Variants in CNTNAP2 observed in about 807,000 individuals in gnomAD.
The protein encoded by CNTNAP2 is contactin associated protein 2.
In CNTNAP2, 98 loss-of-function variants were observed where a neutral mutation model predicts 155.2. The observed-to-expected ratio is 0.63, with a 90% confidence interval of 0.54 to 0.75. CNTNAP2 has a LOEUF of 0.75. Among genes scored for constraint, CNTNAP2 ranks in the 30% least tolerant of loss-of-function variants. CNTNAP2 has a pLI of 0.00. For synonymous variants in CNTNAP2, 651 were observed against 631.2 expected (o/e 1.03, Z -0.47); for missense variants, 1,727 against 1,688.1 (o/e 1.02, Z -0.40).
chr7:147,530,439 A>T (rs375257496), intron 11 of CNTNAP2, among the ~76,000 whole-genome samples: 4 of 152,102 alleles, frequency 2.6e-5, no homozygotes, highest in African/African-American at 7.2e-5. Context: ...CAGGCTCCCA[A>T]AGTGCTGGGA....
intron 1 of CNTNAP2, among the ~76,000 whole-genome samples, chr7:146,209,136 G>A (rs1401452140): frequency 3.3e-5 from 5 of 152,018 alleles, no homozygotes; most frequent in African/African-American, 1.2e-4. Context: ...TTAAATACCT[G>A]GAAATGAGCC....
intron 1 of CNTNAP2, among the ~76,000 whole-genome samples, chr7:146,633,988 A>G (rs185318039): frequency 1.4e-4 from 21 of 152,248 alleles, no homozygotes; most frequent in Admixed American, 5.9e-4. Flanking sequence ...TTGATCCAGT[A>G]GGAAGAGTAC....
intron 13 of CNTNAP2, among the ~76,000 whole-genome samples, chr7:147,708,727 C>A (rs974618685): frequency 9.9e-5 from 15 of 152,160 alleles, no homozygotes; most frequent in African/African-American, 3.6e-4. Context: ...CCAATGCTAG[C>A]CAAGCAGGCA....
At chr7:147,225,930 GGAAAGAAGGAAGGAAAGGAAGAAAGAGA>G (rs1803529052) in intron 8 of CNTNAP2, among the ~76,000 whole-genome samples, 2 of 124,750 alleles carry the variant, frequency 1.6e-5, no homozygotes, top group Admixed American at 1.6e-4. Flanking sequence ...AAAGAAGGAA[GGAAAGAAGGAAGGAAAGGAAGAAAGAGA>G]GAAAGGAAGA....
chr7:146,827,640 CT>C (rs941576484), intron 2 of CNTNAP2, among the ~76,000 whole-genome samples: 80 of 151,908 alleles, frequency 5.3e-4, no homozygotes, highest in African/African-American at 1.9e-3. Context: ...ATTCTGCAGA[CT>C]TTTACTAAGA....
At position 147,866,750 on chromosome 7, in the gene CNTNAP2, G is replaced by GTT. The variant is rs138084282; in HGVS notation, c.2099-36806_2099-36805dup. Among the ~76,000 whole-genome samples, 1,472 of 147,898 alleles carry GTT rather than the reference G, an allele frequency of 1.0e-2. 15 individuals are homozygous for GTT. Among genetic ancestry groups the GTT allele is most frequent in the Admixed American group, 0.039 (582 of 14,996 alleles). ...ATCAGAGACTAGGATTGCAACCCCT[G>GTT]TTTTTTTTTTGTTTTTTGTTGTTGT... On this transcript the variant is annotated intron_variant, in intron 13 of 23. Transcript: ENST00000361727.
rs1056708859 is a variant in CNTNAP2 at position 148,157,430 on chromosome 7, C to A, written c.2773+9721C>A. Among the ~76,000 whole-genome samples the A allele has an allele frequency of 2.6e-5, 4 of 152,092 alleles. No individual in the cohort carries two copies. In the East Asian group the frequency reaches 5.8e-4, roughly 22 times the overall value. On this transcript the variant is annotated intron_variant, in intron 17 of 23. Coordinates refer to ENST00000361727, the MANE Select transcript of CNTNAP2 (RefSeq NM_014141.6). ...TCCATATTCAAAATTAGATCATCTC[C>A]TTTCCAAAGCAAGAAGGGTTTTTCC...
chr7:146,117,747 G>A (rs1039648530), intron 1 of CNTNAP2, among the ~76,000 whole-genome samples: 4 of 152,014 alleles, frequency 2.6e-5, no homozygotes, highest in African/African-American at 9.7e-5. Context: ...TTTTCATGAG[G>A]TTTAGAAAGA....
intron 15 of CNTNAP2, among the ~76,000 whole-genome samples, chr7:148,112,663 G>T (rs909466562): frequency 6.6e-6 from 1 of 152,024 alleles, no homozygotes; most frequent in Non-Finnish European, 1.5e-5. Flanking sequence ...CCCAGTCACT[G>T]CAATTACAGG....
intron 1 of CNTNAP2, among the ~76,000 whole-genome samples, chr7:146,135,691 G>C (rs1797787437): frequency 6.6e-6 from 1 of 152,066 alleles, no homozygotes; most frequent in African/African-American, 2.4e-5. Flanking sequence ...TAGTAAAACT[G>C]AATCTTAGAA....
intron 8 of CNTNAP2, among the ~76,000 whole-genome samples, chr7:147,224,017 T>C (rs1803466716): frequency 7.2e-6 from 1 of 139,736 alleles, no homozygotes; most frequent in Non-Finnish European, 1.5e-5. Flanking sequence ...TCAAAGAGAG[T>C]TGGGTTGGCC....
chr7:146,909,081 C>T (rs1796214653), intron 3 of CNTNAP2, among the ~76,000 whole-genome samples: 1 of 152,048 alleles, frequency 6.6e-6, no homozygotes, highest in Non-Finnish European at 1.5e-5. Context: ...TCGACACATA[C>T]ACTCTCCCAA....
In CNTNAP2 at chr7:147,874,054, G is replaced by C. The variant is rs576237731; in HGVS notation, c.2099-29511G>C. On this transcript the variant is annotated intron_variant, in intron 13 of 23. Coordinates refer to ENST00000361727, the MANE Select transcript of CNTNAP2 (RefSeq NM_014141.6). ...CACAGCCTTGGGCAGCTCTGCCTCT[G>C]TGGCTTTGCAGGGTATAGACCCCCA... Among the ~76,000 whole-genome samples, 8 of 152,350 alleles carry C rather than the reference G, an allele frequency of 5.3e-5. No individual in the cohort carries two copies. In the East Asian group the frequency reaches 1.5e-3, roughly 29 times the overall value.
intron 12 of CNTNAP2, among the ~76,000 whole-genome samples, chr7:147,601,598 G>A: frequency 7.2e-6 from 1 of 139,106 alleles, no homozygotes; most frequent in African/African-American, 2.7e-5. Context: ...GGCCTGACAA[G>A]TATATTTTAG....
chr7:146,846,957 TTATACTAA>T (rs1295474329), intron 3 of CNTNAP2, among the ~76,000 whole-genome samples: 14 of 152,158 alleles, frequency 9.2e-5, no homozygotes, highest in African/African-American at 3.4e-4. Flanking sequence ...TTGTTATCAA[TTATACTAA>T]TATTTTCAGG....
intron 21 of CNTNAP2, among the ~76,000 whole-genome samples, chr7:148,363,627 G>A (rs908742134): frequency 6.6e-6 from 1 of 152,056 alleles, no homozygotes; most frequent in African/African-American, 2.4e-5. Flanking sequence ...TTTTTCCTTG[G>A]GTTCCTTTTG....
At chr7:147,474,683 G>T (rs1798284270) in intron 10 of CNTNAP2, among the ~76,000 whole-genome samples, 1 of 152,132 alleles carries the variant, frequency 6.6e-6, no homozygotes, top group African/African-American at 2.4e-5. Flanking sequence ...GAGCAGACAA[G>T]AGAAGTGACT....
intron 20 of CNTNAP2, among the ~76,000 whole-genome samples, chr7:148,232,356 A>T (rs1020499567): frequency 2.6e-5 from 4 of 152,220 alleles, no homozygotes; most frequent in African/African-American, 9.6e-5. Flanking sequence ...TTTTCTTAAA[A>T]CAATCTAAAA....
chr7:146,917,610 A>T (rs949544992), intron 3 of CNTNAP2, among the ~76,000 whole-genome samples: 3 of 152,128 alleles, frequency 2.0e-5, no homozygotes, highest in African/African-American at 4.8e-5. Context: ...CCCACATCTC[A>T]TCTTGAATTG....
Sources: gnomAD v4.1 joint callset for allele counts (sites outside exome capture counted in the v4.1 genomes callset) on GRCh38, gnomAD v4.1.1 for gene constraint, MANE v1.5 for transcripts, NCBI Gene and HGNC (gene_info 2026-07-23, HGNC 2026-07-21) for gene names.